KCNQ2: variants seen among roughly 807,000 people sequenced by gnomAD.
The protein encoded by KCNQ2 is potassium voltage-gated channel subfamily KQT member 2.
A neutral mutation model predicts 84.8 loss-of-function variants in KCNQ2; 14 were observed. The observed-to-expected ratio is 0.17, with a 90% CI of 0.11 to 0.26. The LOEUF (loss-of-function observed/expected upper bound fraction) is 0.26, where lower values mean the gene tolerates loss of function less well. Ranked by LOEUF, KCNQ2 falls within the 10% of genes least tolerant of loss-of-function variation. The probability of loss-of-function intolerance (pLI) is 1.00; values close to 1 mark genes in which losing one functional copy is unlikely to be tolerated. For synonymous variants in KCNQ2, 599 were observed against 554.1 expected (o/e 1.08, Z -1.14); for missense variants, 788 against 1,254.0 (o/e 0.63, Z 5.61).
intron 1 of KCNQ2, among the ~76,000 whole-genome samples, chr20:63,464,452 C>T (rs55980089): frequency 0.16 from 23,627 of 151,978 alleles, 2,267 homozygotes; most frequent in Admixed American, 0.21. Context: ...GGAGAGCTCC[C>T]GTCGCCCCGT....
intron 12 of KCNQ2, among the ~76,000 whole-genome samples, chr20:63,418,298 G>A (rs376340707): frequency 2.0e-4 from 30 of 152,338 alleles, no homozygotes; most frequent in African/African-American, 5.8e-4. Context: ...TGGGGCTTAC[G>A]GGGCCGGGGC....
At chr20:63,464,084 G>A (rs1294495977) in intron 1 of KCNQ2, among the ~76,000 whole-genome samples, 4 of 152,152 alleles carry the variant, frequency 2.6e-5, no homozygotes, top group African/African-American at 7.2e-5. Context: ...TGTTCAAGCT[G>A]GGTAGGCAGC....
At chr20:63,439,020 C>T (rs1402221186) in intron 6 of KCNQ2, among the ~76,000 whole-genome samples, 1 of 152,232 alleles carries the variant, frequency 6.6e-6, no homozygotes, top group African/African-American at 2.4e-5. Flanking sequence ...GGAAGGAACC[C>T]TCTGGCTTGC....
intron 11 of KCNQ2, among the ~76,000 whole-genome samples, chr20:63,421,703 A>ACAGG (rs2080475685): frequency 6.6e-6 from 1 of 152,108 alleles, no homozygotes; most frequent in Non-Finnish European, 1.5e-5. Context: ...GGGAGCCCGC[A>ACAGG]CAGGCATGAG....
At chr20:63,440,251 G>T (rs2081119313) in intron 5 of KCNQ2, among the ~76,000 whole-genome samples, 1 of 152,118 alleles carries the variant, frequency 6.6e-6, no homozygotes, top group Non-Finnish European at 1.5e-5. Context: ...TTTCTCTAGG[G>T]GTGGTGGGCA....
chr20:63,433,430 C>G (rs1470335352), intron 8 of KCNQ2: 2 of 449,716 alleles, frequency 4.4e-6, no homozygotes, highest in Non-Finnish European at 4.0e-6. Context: ...TGGTTCCACT[C>G]TTGAAGCTTG....
intron 1 of KCNQ2, among the ~76,000 whole-genome samples, chr20:63,469,801 C>T (rs1453448433): frequency 6.6e-6 from 1 of 152,226 alleles, no homozygotes; most frequent in East Asian, 1.9e-4. Context: ...CGGGCCAGTC[C>T]ATGCCGGGCC....
At chr20:63,444,982 G>A in intron 3 of KCNQ2, 148 bp from the exon 4 acceptor site, 2 of 1,046,006 alleles carry the variant, frequency 1.9e-6, no homozygotes, top group Admixed American at 2.7e-5. Context: ...CAGGCCCCAG[G>A]AAGGACATTA....
chr20:63,454,411 G>A (rs557079557), intron 1 of KCNQ2, among the ~76,000 whole-genome samples: 3 of 152,374 alleles, frequency 2.0e-5, no homozygotes, highest in Admixed American at 1.3e-4. Flanking sequence ...AGAGACGGAC[G>A]TGCGAGAAGA....
At chr20:63,411,989 C>CGTCG (rs1330994140) in intron 15 of KCNQ2, 7 of 647,686 alleles carry the variant, frequency 1.1e-5, no homozygotes, top group Non-Finnish European at 8.4e-6. Flanking sequence ...AGGGAGGCTC[C>CGTCG]GTCGAAACAG....
intron 11 of KCNQ2, among the ~76,000 whole-genome samples, chr20:63,423,307 G>A (rs557878219): frequency 3.0e-4 from 46 of 152,274 alleles, no homozygotes; most frequent in Admixed American, 2.6e-4. Context: ...GCTGTCACCC[G>A]CAGTCCAGGA....
In KCNQ2 at chr20:63,453,414, C is replaced by T. The variant is rs561592020; in HGVS notation, c.297-6577G>A. Among the ~76,000 whole-genome samples, 150 of 152,346 alleles carry T rather than the reference C, an allele frequency of 9.8e-4. 1 individual carries two copies. The highest frequency in any genetic ancestry group is 3.5e-3 in the African/African-American group (144 of 41,566). On this transcript the variant is annotated intron_variant, in intron 1 of 16. Coordinates refer to ENST00000359125, the MANE Select transcript of KCNQ2 (RefSeq NM_172107.4). Reference sequence around the variant, plus strand: ...CAAGCCGCGATTAATTTCCTGTGCTCGTTGGCCAAGTTCTTCAATTAACTG... The same window carrying T: ...CAAGCCGCGATTAATTTCCTGTGCTTGTTGGCCAAGTTCTTCAATTAACTG...
chr20:63,423,593 C>A (rs1016134084), intron 11 of KCNQ2: 2 of 153,366 alleles, frequency 1.3e-5, no homozygotes, highest in Non-Finnish European at 2.9e-5. Flanking sequence ...AGGCTAAGCA[C>A]CTGCACCCTT....
chr20:63,443,101 A>ACCC (rs1231616224), intron 4 of KCNQ2, among the ~76,000 whole-genome samples: 1 of 99,504 alleles, frequency 1.0e-5, no homozygotes, highest in Non-Finnish European at 2.1e-5. Context: ...CACCACCATC[A>ACCC]CCATCACCAC....
rs190657142 is a variant in KCNQ2, at chr20:63,403,557, T to C, written c.*3087A>G. The C allele has an allele frequency of 2.6e-5, 4 of 152,492 alleles. No individual in the cohort carries two copies. The highest frequency in any genetic ancestry group is 9.6e-5 in the African/African-American group (4 of 41,564). The allele number at this position is 152,492 out of a possible 1,614,324, so 9.4% of individuals were successfully genotyped here. ...CACTTGTGTATGTGTATACTGTGTG[T>C]GAGCTACACGTGTGTGCATGTGTGT... On this transcript the variant is annotated 3_prime_UTR_variant, in exon 17 of 17. Transcript: ENST00000359125.
chr20:63,429,125 C>T (rs977433112), intron 9 of KCNQ2, among the ~76,000 whole-genome samples: 2 of 151,894 alleles, frequency 1.3e-5, no homozygotes, highest in African/African-American at 4.8e-5. Flanking sequence ...GGTATGCAGG[C>T]ACCTCCTCAC....
intron 1 of KCNQ2, among the ~76,000 whole-genome samples, chr20:63,470,656 T>C (rs566698069): frequency 6.6e-6 from 1 of 152,198 alleles, no homozygotes; most frequent in African/African-American, 2.4e-5. Flanking sequence ...GGCCAGGCTG[T>C]CAGGGCAGGA....
At chr20:63,424,154 G>T in intron 11 of KCNQ2, 23 bp downstream of exon 11, 1 of 1,554,220 alleles carries the variant, frequency 6.4e-7, no homozygotes, top group East Asian at 2.4e-5. Flanking sequence ...GCAGACACCA[G>T]GGTAGCAGCA....
At chr20:63,413,789 C>A (rs1396283622) in intron 14 of KCNQ2, among the ~76,000 whole-genome samples, 1 of 152,202 alleles carries the variant, frequency 6.6e-6, no homozygotes, top group Admixed American at 6.5e-5. Context: ...CCTGGCCATG[C>A]CCCCTTGGAC....
Sources: gnomAD v4.1 joint callset for allele counts (sites outside exome capture counted in the v4.1 genomes callset) on GRCh38, gnomAD v4.1.1 for gene constraint, MANE v1.5 for transcripts, NCBI Gene and HGNC (gene_info 2026-07-23, HGNC 2026-07-21) for gene names.